Variants in MECOM observed in about 807,000 individuals in gnomAD.
MECOM encodes MDS1 and EVI1 complex locus, also known as histone-lysine N-methyltransferase MECOM.
MECOM carries 13 observed loss-of-function variants against 116.3 expected under a neutral mutation model. The ratio of observed to expected loss-of-function variants is 0.11; its 90% CI spans 0.07 to 0.18. The LOEUF (loss-of-function observed/expected upper bound fraction) is 0.18. Among genes scored for constraint, MECOM ranks in the 10% least tolerant of loss-of-function variants. MECOM has a pLI of 1.00. For missense variants in MECOM, 1,299 were observed against 1,509.0 expected, an observed-to-expected ratio of 0.86 and a Z score of 2.31; for synonymous variants, 528 against 535.2, an observed-to-expected ratio of 0.99 and a Z score of 0.19.
At chr3:169,313,855 A>G (rs1471334057) in intron 2 of MECOM, among the ~76,000 whole-genome samples, 1 of 152,222 alleles carries the variant, frequency 6.6e-6, no homozygotes, top group African/African-American at 2.4e-5. Flanking sequence ...GGATATAAGC[A>G]AAGAGTATTC....
intron 1 of MECOM, among the ~76,000 whole-genome samples, chr3:169,388,471 GC>G (rs1733733741): frequency 6.6e-6 from 1 of 152,084 alleles, no homozygotes; most frequent in South Asian, 2.1e-4. Flanking sequence ...TATGAGAATG[GC>G]CCCAAGATAA....
intron 2 of MECOM, among the ~76,000 whole-genome samples, chr3:169,302,350 ACCT>A (rs1291193299): frequency 1.3e-5 from 2 of 152,050 alleles, no homozygotes; most frequent in African/African-American, 4.8e-5. Flanking sequence ...GTGGCACAAC[ACCT>A]CCTGCTGTGA....
intron 2 of MECOM, among the ~76,000 whole-genome samples, chr3:169,314,847 A>G (rs1389745462): frequency 2.0e-5 from 3 of 152,226 alleles, no homozygotes; most frequent in South Asian, 2.1e-4. Flanking sequence ...AGAAATTTCT[A>G]TGAGGAAGCT....
At chr3:169,275,767 C>T (rs1759502745) in intron 2 of MECOM, among the ~76,000 whole-genome samples, 1 of 152,118 alleles carries the variant, frequency 6.6e-6, no homozygotes, top group Non-Finnish European at 1.5e-5. Flanking sequence ...ATGCTGGACA[C>T]AATACCAGTT....
intron 1 of MECOM, among the ~76,000 whole-genome samples, chr3:169,496,333 TA>T (rs1753810869): frequency 6.6e-6 from 1 of 152,206 alleles, no homozygotes; most frequent in South Asian, 2.1e-4. Context: ...ATATGGAAAT[TA>T]TTATCCCTTA....
chr3:169,426,208 G>A (rs556279847), intron 1 of MECOM, among the ~76,000 whole-genome samples: 1 of 152,026 alleles, frequency 6.6e-6, no homozygotes, highest in South Asian at 2.1e-4. Context: ...ATTTCTTTTT[G>A]CAAAAAGCCT....
chr3:169,105,821 A>T (rs1725222535), intron 10 of MECOM, among the ~76,000 whole-genome samples: 1 of 152,128 alleles, frequency 6.6e-6, no homozygotes, highest in Non-Finnish European at 1.5e-5. Context: ...ACTGACGCAA[A>T]CTAATATTTA....
At chr3:169,136,922 G>A (rs1736534978) in intron 3 of MECOM, among the ~76,000 whole-genome samples, 1 of 152,080 alleles carries the variant, frequency 6.6e-6, no homozygotes, top group Non-Finnish European at 1.5e-5. Flanking sequence ...GTCTAAAAAT[G>A]ACAGAAGCGT....
intron 1 of MECOM, among the ~76,000 whole-genome samples, chr3:169,539,751 T>C (rs1406581279): frequency 1.3e-5 from 2 of 151,628 alleles, no homozygotes; most frequent in African/African-American, 2.4e-5. Context: ...CACTTTCCTA[T>C]ATAAAACCCA....
intron 1 of MECOM, among the ~76,000 whole-genome samples, chr3:169,412,474 A>C (rs1233037162): frequency 6.6e-6 from 1 of 151,992 alleles, no homozygotes; most frequent in Non-Finnish European, 1.5e-5. Context: ...TCCTTTGGCA[A>C]TTCTTGCGTA....
chr3:169,363,978 T>C (rs1199685568), intron 2 of MECOM, among the ~76,000 whole-genome samples: 1 of 151,982 alleles, frequency 6.6e-6, no homozygotes, highest in Non-Finnish European at 1.5e-5. Flanking sequence ...ACACAGATGC[T>C]CATCAGAGGC....
chr3:169,634,900 CT>C (rs1772531966), intron 1 of MECOM, among the ~76,000 whole-genome samples: 1 of 151,938 alleles, frequency 6.6e-6, no homozygotes, highest in Admixed American at 6.6e-5. Context: ...TTCTTAATCA[CT>C]TTTTTAAATC....
In MECOM at chr3:169,090,178, A is replaced by C; in HGVS notation, c.3223T>G (p.Leu1075Val). Residue 1075 changes from leucine (L) to valine (V), a missense_variant, in exon 15 of 17, where the codon TTG (leucine) becomes GTG (valine). Leu to Val is a conservative substitution (Grantham distance 32). This residue lies in a region of MECOM where 273 missense variants were observed against 289.3 expected (regional missense o/e 0.94). Transcript: ENST00000651503. ...TCTTCAACTTCTTCATCATCCAGCA[A>C]GTCTGAATTTTGACTGGTCACCAAA... ...KALVTSQNSD[L>V]LDDEEVEDEV... 1 of 1,613,438 alleles carries C rather than the reference A, an allele frequency of 6.2e-7. No individual in the cohort carries two copies. Among genetic ancestry groups the C allele is most frequent in the Non-Finnish European group, 8.5e-7 (1 of 1,179,604 alleles).
rs149212924 is a variant in MECOM, at chr3:169,409,861, A to G, written c.38-28337T>C. ...TTATAATTTTAACACTACTGAGAGG[A>G]TAGTAACCTAAAGTCAGAGAAAACG... On this transcript the variant is annotated intron_variant, in intron 1 of 16. Transcript: ENST00000651503. 7.7e-4 allele frequency among the ~76,000 whole-genome samples: 117 copies of G among 152,346 alleles called. 3 individuals carry two copies. In the East Asian group the frequency reaches 0.021, roughly 27 times the overall value.
chr3:169,564,135 A>AT (rs1762959028), intron 1 of MECOM, among the ~76,000 whole-genome samples: 1 of 152,226 alleles, frequency 6.6e-6, no homozygotes, highest in Non-Finnish European at 1.5e-5. Context: ...TGTAGAGTAA[A>AT]TTGCAATAAT....
At chr3:169,464,582 G>A (rs1328714679) in intron 1 of MECOM, among the ~76,000 whole-genome samples, 1 of 151,962 alleles carries the variant, frequency 6.6e-6, no homozygotes, top group Non-Finnish European at 1.5e-5. Context: ...CAAATTAGGA[G>A]GGCATTACAT....
chr3:169,194,293 A>G (rs1046773724), intron 2 of MECOM, among the ~76,000 whole-genome samples: 1 of 152,058 alleles, frequency 6.6e-6, no homozygotes, highest in Non-Finnish European at 1.5e-5. Context: ...GAAGGGGAAC[A>G]TCACACACCG....
intron 2 of MECOM, among the ~76,000 whole-genome samples, chr3:169,371,165 T>C (rs1730036666): frequency 6.6e-6 from 1 of 152,114 alleles, no homozygotes; most frequent in Middle Eastern, 3.4e-3. Context: ...CACAATGGAA[T>C]ACTATTTAGC....
chr3:169,527,388 T>C (rs1436726382), intron 1 of MECOM, among the ~76,000 whole-genome samples: 1 of 152,246 alleles, frequency 6.6e-6, no homozygotes, highest in Non-Finnish European at 1.5e-5. Flanking sequence ...GTTTGAAAGG[T>C]ATTTGTCATC....
Sources: allele counts gnomAD v4.1 joint callset (sites outside exome capture counted in the v4.1 genomes callset), GRCh38; gene constraint gnomAD v4.1.1; regional missense constraint gnomAD v4.1.1; transcripts MANE v1.5; gene names NCBI Gene and HGNC (gene_info 2026-07-23, HGNC 2026-07-21).